KIAA0825: variants seen among roughly 807,000 people sequenced by gnomAD.
KIAA0825 encodes uncharacterized protein KIAA0825.
A neutral mutation model predicts 147.6 loss-of-function variants in KIAA0825; 119 were observed. The observed-to-expected ratio is 0.81, with a 90% CI of 0.69 to 0.94. The LOEUF (loss-of-function observed/expected upper bound fraction) is 0.94, where lower values mean the gene tolerates loss of function less well. KIAA0825 is among the 40% of genes least tolerant of loss of function. The probability of loss-of-function intolerance (pLI) is 0.00; values close to 1 mark genes in which losing one functional copy is unlikely to be tolerated. For missense variants in KIAA0825, 1,381 were observed against 1,472.7 expected, an observed-to-expected ratio of 0.94 and a Z score of 1.02; for synonymous variants, 470 against 518.1, an observed-to-expected ratio of 0.91 and a Z score of 1.26.
At chr5:94,540,535 TA>T (rs1290728658) in intron 2 of KIAA0825, among the ~76,000 whole-genome samples, 1 of 152,232 alleles carries the variant, frequency 6.6e-6, no homozygotes, top group African/African-American at 2.4e-5. Context: ...ATGAGTCCTC[TA>T]TCTTCTGTCT....
chr5:94,553,726 A>G (rs1402108998), intron 2 of KIAA0825, among the ~76,000 whole-genome samples: 8 of 151,658 alleles, frequency 5.3e-5, no homozygotes, highest in Non-Finnish European at 8.8e-5. Context: ...AGATCGCGCC[A>G]TTGCACTCCT....
At chr5:94,609,530 T>G (rs1429733773) in intron 1 of KIAA0825, among the ~76,000 whole-genome samples, 1 of 152,158 alleles carries the variant, frequency 6.6e-6, no homozygotes, top group African/African-American at 2.4e-5. Flanking sequence ...CTTCAGTAAT[T>G]TTTAAGATTA....
At chr5:94,617,218 T>C (rs969678622) in intron 1 of KIAA0825, among the ~76,000 whole-genome samples, 1 of 152,196 alleles carries the variant, frequency 6.6e-6, no homozygotes, top group Non-Finnish European at 1.5e-5. Flanking sequence ...AACTAGTTGC[T>C]GTACAGATAT....
intron 1 of KIAA0825, among the ~76,000 whole-genome samples, chr5:94,613,795 G>A (rs1789600919): frequency 6.6e-6 from 1 of 152,202 alleles, no homozygotes; most frequent in African/African-American, 2.4e-5. Context: ...AATCATACAA[G>A]GTGCTATAAG....
intron 1 of KIAA0825, among the ~76,000 whole-genome samples, chr5:94,608,527 T>C: frequency 1.0e-5 from 1 of 96,482 alleles, no homozygotes; most frequent in Non-Finnish European, 2.0e-5. Context: ...AGAGATGGGG[T>C]TTCACCCTGT....
chr5:94,440,258 G>C (rs1756906786), intron 13 of KIAA0825, 137 bp from the exon 14 acceptor site: 2 of 931,108 alleles, frequency 2.1e-6, no homozygotes, highest in Admixed American at 6.2e-5. Flanking sequence ...TTTCATGCTT[G>C]CTTACTTTAG....
At chr5:94,351,871 A>C (rs1783707337) in intron 20 of KIAA0825, among the ~76,000 whole-genome samples, 1 of 152,236 alleles carries the variant, frequency 6.6e-6, no homozygotes, top group Admixed American at 6.5e-5. Context: ...TTGGCTAGCC[A>C]CATGTAGGAG....
intron 12 of KIAA0825, among the ~76,000 whole-genome samples, chr5:94,457,196 G>A (rs996929987): frequency 6.6e-6 from 1 of 152,150 alleles, no homozygotes; most frequent in Non-Finnish European, 1.5e-5. Context: ...TGGCTCACAA[G>A]CCTCAATGGG....
At chr5:94,356,542 G>A (rs1784279310) in intron 20 of KIAA0825, among the ~76,000 whole-genome samples, 1 of 151,372 alleles carries the variant, frequency 6.6e-6, no homozygotes, top group Non-Finnish European at 1.5e-5. Flanking sequence ...CACCCGGGAG[G>A]CGGACTTGCA....
intron 20 of KIAA0825, among the ~76,000 whole-genome samples, chr5:94,230,385 A>G (rs1233456215): frequency 6.6e-6 from 1 of 152,184 alleles, no homozygotes; most frequent in Non-Finnish European, 1.5e-5. Context: ...CCAACTTTCT[A>G]CTATTCTGCC....
intron 3 of KIAA0825, among the ~76,000 whole-genome samples, chr5:94,525,767 T>A (rs1769158953): frequency 6.6e-6 from 1 of 151,956 alleles, no homozygotes. Flanking sequence ...AGGACTCAGA[T>A]TTTAGGCTAA....
chr5:94,484,830 T>C lies in KIAA0825; in HGVS notation c.1071A>G (p.Lys357=). 6.6e-7 allele frequency: 1 copy of C among 1,523,040 alleles called. No individual in the cohort carries two copies. Among genetic ancestry groups the C allele is most frequent in the Non-Finnish European group, 8.9e-7 (1 of 1,127,384 alleles). The allele number at this position is 1,523,040 out of a possible 1,614,324, so 94.3% of individuals were successfully genotyped here. ...QLIKSFMKLE[K]GVQELFDEIL... ...TTTCGTCAAACAATTCTTGAACACC[T>C]TTTTCCAGTTTCATAAAGGATTTTA... Residue 357 remains lysine, a synonymous_variant, in exon 6 of 21, where the codon AAA becomes AAG. Transcript: ENST00000682413.
chr5:94,477,510 A>G (rs969699642), intron 6 of KIAA0825, among the ~76,000 whole-genome samples: 1 of 152,080 alleles, frequency 6.6e-6, no homozygotes, highest in African/African-American at 2.4e-5. Context: ...TCTTCAAAAT[A>G]AAGATTTTTG....
intron 12 of KIAA0825, among the ~76,000 whole-genome samples, chr5:94,457,475 A>T (rs1759256220): frequency 6.6e-6 from 1 of 152,232 alleles, no homozygotes; most frequent in African/African-American, 2.4e-5. Context: ...TAAGGGGAAA[A>T]GAGTGCATTT....
intron 20 of KIAA0825, among the ~76,000 whole-genome samples, chr5:94,169,694 C>A (rs1768423072): frequency 6.6e-6 from 1 of 152,048 alleles, no homozygotes; most frequent in Non-Finnish European, 1.5e-5. Context: ...AAGTTCATTC[C>A]TTTCATTCTT....
At chr5:94,179,138 T>C (rs1473673596) in intron 20 of KIAA0825, among the ~76,000 whole-genome samples, 3 of 151,884 alleles carry the variant, frequency 2.0e-5, no homozygotes, top group Non-Finnish European at 2.9e-5. Flanking sequence ...AGAGGAGAGA[T>C]TGTCCAAAAA....
At chr5:94,616,966 G>C (rs1790683910) in intron 1 of KIAA0825, among the ~76,000 whole-genome samples, 1 of 152,144 alleles carries the variant, frequency 6.6e-6, no homozygotes, top group Non-Finnish European at 1.5e-5. Context: ...AGGTAGACTG[G>C]ATTCAAATTT....
chr5:94,462,652 C>G, intron 11 of KIAA0825, 83 bp from the exon 12 acceptor site: 1 of 699,654 alleles, frequency 1.4e-6, no homozygotes, highest in East Asian at 3.0e-5. Flanking sequence ...ATCTCTTGTA[C>G]TAAGCATATG....
intron 20 of KIAA0825, among the ~76,000 whole-genome samples, chr5:94,243,966 C>T (rs1775480820): frequency 6.6e-6 from 1 of 152,142 alleles, no homozygotes; most frequent in Non-Finnish European, 1.5e-5. Context: ...TATCTTTCTG[C>T]TTCCTACCTC....
Sources: gnomAD v4.1 joint callset for allele counts (sites outside exome capture counted in the v4.1 genomes callset) on GRCh38, gnomAD v4.1.1 for gene constraint, MANE v1.5 for transcripts, NCBI Gene and HGNC (gene_info 2026-07-23, HGNC 2026-07-21) for gene names.